USP34: variants seen among roughly 807,000 people sequenced by gnomAD.
USP34 encodes the protein ubiquitin carboxyl-terminal hydrolase 34.
Under a neutral mutation model 460.3 loss-of-function variants are expected in USP34, and 70 were observed. The observed-to-expected ratio is 0.15, with a 90% CI of 0.13 to 0.19. The LOEUF (loss-of-function observed/expected upper bound fraction) is 0.19, where lower values mean the gene tolerates loss of function less well. Among genes scored for constraint, USP34 ranks in the 10% least tolerant of loss-of-function variants. The pLI, the probability that USP34 is intolerant of heterozygous loss-of-function variation, is 1.00. For synonymous variants in USP34, 1,647 were observed against 1,405.3 expected (o/e 1.17, Z -3.85); for missense variants, 3,985 against 4,236.2 (o/e 0.94, Z 1.65).
At chr2:61,344,295 T>C (rs1691694144) in intron 15 of USP34, among the ~76,000 whole-genome samples, 1 of 152,202 alleles carries the variant, frequency 6.6e-6, no homozygotes, top group Non-Finnish European at 1.5e-5. Context: ...TTAGGCAAGA[T>C]CACTAATACT....
At chr2:61,327,017 C>G (rs1364374947) in intron 20 of USP34, among the ~76,000 whole-genome samples, 1 of 151,976 alleles carries the variant, frequency 6.6e-6, no homozygotes, top group Non-Finnish European at 1.5e-5. Context: ...AACTCCTGAC[C>G]TCAGGTGACC....
At chr2:61,296,737 CTG>C in intron 30 of USP34, 61 bp downstream of exon 30, 1 of 1,529,022 alleles carries the variant, frequency 6.5e-7, no homozygotes, top group Non-Finnish European at 8.8e-7. Context: ...ATCTTCTACA[CTG>C]TCAATAGGAA....
chr2:61,459,641 G>A (rs1695542463), intron 1 of USP34, among the ~76,000 whole-genome samples: 2 of 152,082 alleles, frequency 1.3e-5, no homozygotes, highest in South Asian at 2.1e-4. Context: ...GCCGAGCGTG[G>A]TGGCAGGCAC....
Position 61,193,365 on chromosome 2 carries a change from T to TAAAAAAAAAAAAAAAA in USP34, c.9509-401_9509-386dup, listed in dbSNP as rs577314106. The TAAAAAAAAAAAAAAAA allele has an allele frequency of 5.5e-4, 53 of 97,232 alleles. 2 individuals are homozygous for TAAAAAAAAAAAAAAAA. The highest frequency in any genetic ancestry group is 1.9e-3 in the African/African-American group (52 of 26,682). 6.0% of individuals were successfully genotyped at this position (97,232 alleles called of 1,614,324 possible). ...ACTGCAGGAGGGAGGAGGGGAAAGGTAAAAAAAAAAAAAAAAAAAAAAAAG... is the reference window on the plus strand; with the variant it reads ...ACTGCAGGAGGGAGGAGGGGAAAGGTAAAAAAAAAAAAAAAAAAAAAAAAAAAAAAAAAAAAAAAAG... On this transcript the variant is annotated intron_variant, in intron 75 of 79. Coordinates refer to ENST00000398571, the MANE Select transcript of USP34 (RefSeq NM_014709.4).
Position 61,259,795 on chromosome 2 carries a change from C to T in USP34, c.5779-19G>A, listed in dbSNP as rs777967190. On this transcript the variant is annotated intron_variant, in intron 43 of 79. Coordinates refer to ENST00000398571, the MANE Select transcript of USP34 (RefSeq NM_014709.4). ...CTGAATACTGAAAATCAAGAGAAAA[C>T]ACCATTAAAAACACAGACATGATGG... The T allele has an allele frequency of 1.2e-6, 2 of 1,610,422 alleles. No individual in the cohort carries two copies. Among genetic ancestry groups the T allele is most frequent in the East Asian group, 2.2e-5 (1 of 44,838 alleles).
chr2:61,394,884 A>AT lies in USP34; in HGVS notation c.721dup (p.Ile241AsnfsTer11). 6.3e-7 allele frequency: 1 copy of AT among 1,596,458 alleles called. No individual in the cohort carries two copies. ...CACAACTGTAATAAACGCATGTGCT[A>AT]TAAGAAATGGCAAAGTTTCAGGAGT... On this transcript the variant is annotated frameshift_variant, in exon 5 of 80. Coordinates refer to ENST00000398571, the MANE Select transcript of USP34 (RefSeq NM_014709.4). LOFTEE classifies it high-confidence loss of function.
chr2:61,321,398 G>A (rs1390719758), intron 21 of USP34, among the ~76,000 whole-genome samples: 1 of 152,198 alleles, frequency 6.6e-6, no homozygotes, highest in Non-Finnish European at 1.5e-5. Flanking sequence ...TTGAACCTGG[G>A]AGGTGGAGGT....
intron 78 of USP34, 156 bp from the exon 79 acceptor site, chr2:61,189,225 G>T: frequency 1.3e-6 from 1 of 789,316 alleles, no homozygotes; most frequent in Non-Finnish European, 1.9e-6. Flanking sequence ...AAACCAGAAA[G>T]CCAGTGTTAA....
At chr2:61,314,307 G>C (rs1690679900) in intron 25 of USP34, among the ~76,000 whole-genome samples, 1 of 152,058 alleles carries the variant, frequency 6.6e-6, no homozygotes, top group South Asian at 2.1e-4. Context: ...CTTTATCTTA[G>C]AGATGGAATT....
At chr2:61,219,803 C>CAAA (rs1687506383) in intron 67 of USP34, among the ~76,000 whole-genome samples, 6 of 151,842 alleles carry the variant, frequency 4.0e-5, no homozygotes, top group Admixed American at 3.9e-4. Flanking sequence ...ATTAAATTTT[C>CAAA]ATTTTTTTGA....
intron 1 of USP34, among the ~76,000 whole-genome samples, chr2:61,431,722 T>C (rs1178657863): frequency 1.3e-5 from 2 of 151,868 alleles, no homozygotes; most frequent in Non-Finnish European, 2.9e-5. Flanking sequence ...GGGCATGGTG[T>C]TAGGCGCCTG....
intron 30 of USP34, among the ~76,000 whole-genome samples, chr2:61,295,641 C>A (rs945528155): frequency 6.6e-6 from 1 of 152,104 alleles, no homozygotes; most frequent in African/African-American, 2.4e-5. Flanking sequence ...TTAATAGTTA[C>A]AACTATATAT....
At chr2:61,271,473 G>C (rs909693032) in intron 41 of USP34, among the ~76,000 whole-genome samples, 8 of 152,132 alleles carry the variant, frequency 5.3e-5, no homozygotes, top group African/African-American at 1.9e-4. Context: ...TCAGTTCTAA[G>C]AATCAGGTCT....
intron 43 of USP34, among the ~76,000 whole-genome samples, chr2:61,262,677 T>C (rs1281167910): frequency 6.6e-6 from 1 of 152,120 alleles, no homozygotes; most frequent in Non-Finnish European, 1.5e-5. Context: ...GGTAGGATGA[T>C]TTATATTCCT....
At position 61,248,554 on chromosome 2, in the gene USP34, G is replaced by T; in HGVS notation, c.6351C>A (p.Pro2117=). 1 of 1,605,672 alleles carries T rather than the reference G, an allele frequency of 6.2e-7. No individual in the cohort carries two copies. The change falls in exon 49 of 80, where the codon CCC becomes CCA. Residue 2117 remains proline (P), a synonymous_variant. Transcript: ENST00000398571. Reference sequence around the variant, plus strand: ...TTCCCATAAGAAAATCTTCTGTATAGGGCGTCATGTCCAAACGTAATGGGA... The same window carrying T: ...TTCCCATAAGAAAATCTTCTGTATATGGCGTCATGTCCAAACGTAATGGGA... The part of the protein sequence containing the change: ...FSFPLRLDMT[P]YTEDFLMGKS...
chr2:61,436,283 T>C (rs1192192642), intron 1 of USP34, among the ~76,000 whole-genome samples: 2 of 152,084 alleles, frequency 1.3e-5, no homozygotes, highest in African/African-American at 2.4e-5. Context: ...TGAGTCAAGA[T>C]TGTGCCAGCC....
Position 61,470,543 on chromosome 2 carries a change from C to T in USP34, c.43+107G>A, listed in dbSNP as rs897893202. On this transcript the variant is annotated intron_variant, in intron 1 of 79. Coordinates refer to ENST00000398571, the MANE Select transcript of USP34 (RefSeq NM_014709.4). ...CGGGGCGCTAGGCCCGCACGCCGCC[C>T]GGCCCGGCCGTCGCCTCCCGCAGGC... 1.9e-5 allele frequency: 13 copies of T among 669,084 alleles called. No homozygotes were observed. In the African/African-American group the frequency reaches 2.1e-4, roughly 11 times the overall value. The allele number at this position is 669,084 out of a possible 1,614,324, so 41.4% of individuals were successfully genotyped here.
chr2:61,455,441 G>T (rs1413710485), intron 1 of USP34, among the ~76,000 whole-genome samples: 1 of 152,128 alleles, frequency 6.6e-6, no homozygotes, highest in African/African-American at 2.4e-5. Flanking sequence ...GCCTCCCAAA[G>T]TGCTAGGATT....
At chr2:61,412,062 G>A (rs953163040) in intron 2 of USP34, among the ~76,000 whole-genome samples, 1 of 151,810 alleles carries the variant, frequency 6.6e-6, no homozygotes, top group African/African-American at 2.4e-5. Flanking sequence ...GGTGGCACAT[G>A]CCTATAATCC....
Sources: gnomAD v4.1 joint callset for allele counts (sites outside exome capture counted in the v4.1 genomes callset) on GRCh38, gnomAD v4.1.1 for gene constraint, MANE v1.5 for transcripts, NCBI Gene and HGNC (gene_info 2026-07-23, HGNC 2026-07-21) for gene names.